The following CEACAM21 variants were observed in gnomAD, a reference collection of about 807,000 sequenced individuals.
The protein encoded by CEACAM21 is cell adhesion molecule CEACAM21.
CEACAM21 carries 38 observed loss-of-function variants against 33.2 expected under a neutral mutation model. That is an observed-to-expected ratio of 1.14 (90% CI 0.88 to 1.50). The LOEUF is 1.50. Ranked by LOEUF, CEACAM21 falls within the 40% of genes most tolerant of loss-of-function variation. The probability of loss-of-function intolerance (pLI) is 0.00; values close to 1 mark genes in which losing one functional copy is unlikely to be tolerated. For synonymous variants in CEACAM21, 156 were observed against 143.0 expected (o/e 1.09, Z -0.65); for missense variants, 385 against 364.6 (o/e 1.06, Z -0.46).
At chr19:41,579,656 C>A in intron 3 of CEACAM21, 28 bp downstream of exon 3, 2 of 1,434,106 alleles carry the variant, frequency 1.4e-6, no homozygotes, top group Non-Finnish European at 1.9e-6. Context: ...CCTCTCACTC[C>A]TTTCCTTGTA....
upstream of CEACAM21, among the ~76,000 whole-genome samples, chr19:41,574,493 A>G (rs150555391): frequency 2.0e-5 from 3 of 152,216 alleles, no homozygotes; most frequent in African/African-American, 4.8e-5. Flanking sequence ...ACAACTGAAT[A>G]ATAAAAAGAT....
chr19:41,579,986 C>T lies in CEACAM21; in HGVS notation c.700+358C>T, dbSNP rs150923723. Among the ~76,000 whole-genome samples the T allele has an allele frequency of 5.7e-3, 863 of 152,272 alleles. 4 individuals carry two copies. Among genetic ancestry groups the T allele is most frequent in the African/African-American group, 0.019 (786 of 41,548 alleles). ...AGGGCTCAATCAGTGCTATCAATAT[C>T]GACTGGTATTATTTTTATGAACTTT... On this transcript the variant is annotated intron_variant, in intron 3 of 6. Transcript: ENST00000401445.
chr19:41,564,884 G>C (rs532874523), exon 2 of CEACAM21: 3 of 152,344 alleles, frequency 2.0e-5, no homozygotes, highest in East Asian at 3.9e-4. Context: ...GAGATCACTT[G>C]GCGCTAACAC....
chr19:41,585,715 C>T (rs1327966153), intron 5 of CEACAM21, 125 bp from the exon 6 acceptor site: 1 of 1,131,988 alleles, frequency 8.8e-7, no homozygotes, highest in African/African-American at 1.5e-5. Flanking sequence ...TTACTTGACC[C>T]CTAAAATAAC....
At chr19:41,585,939 C>T in intron 6 of CEACAM21, 68 bp downstream of exon 6, 1 of 1,501,266 alleles carries the variant, frequency 6.7e-7, no homozygotes, top group South Asian at 1.2e-5. Flanking sequence ...GGCAGGGGGA[C>T]TGTCAATCCC....
chr19:41,562,184 T>C (rs1415716683), intron 1 of CEACAM21, among the ~76,000 whole-genome samples: 1 of 151,812 alleles, frequency 6.6e-6, no homozygotes, highest in East Asian at 1.9e-4. Context: ...AGACGGAGGT[T>C]GCAGTGAGCC....
Position 41,579,375 on chromosome 19 carries a change from C to T in CEACAM21, c.447C>T (p.Ile149=). Residue 149 remains isoleucine, a synonymous_variant, in exon 3 of 7, where the codon ATC becomes ATT. Coordinates refer to ENST00000401445, the MANE Select transcript of CEACAM21 (RefSeq NM_001098506.4). ...RVYESVAQPS[I]QASSTTVTEK... ...CAGAGTCAGTGGCTCAGCCCTCCAT[C>T]CAAGCCAGCAGCACCACAGTCACAG... 1 of 1,614,004 alleles carries T rather than the reference C, an allele frequency of 6.2e-7. No homozygotes were observed. The highest frequency in any genetic ancestry group is 8.5e-7 in the Non-Finnish European group (1 of 1,179,884).
intron 2 of CEACAM21, among the ~76,000 whole-genome samples, chr19:41,567,199 T>C (rs782284400): frequency 5.3e-5 from 8 of 152,164 alleles, no homozygotes; most frequent in Non-Finnish European, 7.3e-5. Flanking sequence ...TAATTGCACA[T>C]TAAGTATTTG....
chr19:41,584,086 A>G (rs150417116), intron 3 of CEACAM21, among the ~76,000 whole-genome samples: 1 of 152,294 alleles, frequency 6.6e-6, no homozygotes, highest in Non-Finnish European at 1.5e-5. Flanking sequence ...AGGAGGGACT[A>G]AAAAACACAG....
intron 1 of CEACAM21, among the ~76,000 whole-genome samples, chr19:41,554,047 A>G (rs1451929770): frequency 6.6e-6 from 1 of 152,080 alleles, no homozygotes; most frequent in East Asian, 1.9e-4. Context: ...CTCAAAAGAA[A>G]ATTTGCCTTG....
At chr19:41,575,477 T>A (rs2042880621), upstream of CEACAM21, among the ~76,000 whole-genome samples, 1 of 152,188 alleles carries the variant, frequency 6.6e-6, no homozygotes, top group Non-Finnish European at 1.5e-5. Context: ...ATGAGACAGT[T>A]CAGGCAACTG....
intron 3 of CEACAM21, among the ~76,000 whole-genome samples, chr19:41,580,181 T>A (rs1163795817): frequency 6.6e-6 from 1 of 151,984 alleles, no homozygotes; most frequent in Non-Finnish European, 1.5e-5. Context: ...ACTGAAACTA[T>A]AAGTTTCAGA....
intron 2 of CEACAM21, among the ~76,000 whole-genome samples, chr19:41,565,988 AGGATTGATGGCTG>A (rs1157206467): frequency 2.6e-5 from 4 of 151,620 alleles, no homozygotes; most frequent in African/African-American, 9.7e-5. Context: ...GGGGTTCTGG[AGGATTGATGGCTG>A]AACTCTCATG....
chr19:41,570,794 G>A (rs2042552931), intron 2 of CEACAM21, among the ~76,000 whole-genome samples: 1 of 152,160 alleles, frequency 6.6e-6, no homozygotes, highest in Admixed American at 6.5e-5. Flanking sequence ...CTCCAGTAAG[G>A]GCAAGGGCGC....
Position 41,585,477 on chromosome 19 carries a change from C to T in CEACAM21, c.832C>T (p.Pro278Ser). The change falls in exon 5 of 7, where the codon CCC becomes TCC. Residue 278 changes from proline (P) to serine (S), a missense_variant. Physicochemically the swap from Pro to Ser is moderately conservative, Grantham distance 74. Transcript: ENST00000401445. ...TCAGAGTGACTTCAGGGAGCAGCAG[C>T]CCCCAGCCTCCACCCCCGGTGAGTG... ...SDQSDFREQQ[P>S]PASTPGHGPS... is the part of the protein sequence containing the mutation. The T allele has an allele frequency of 6.2e-7, 1 of 1,613,736 alleles. No homozygotes were observed. The highest frequency in any genetic ancestry group is 8.5e-7 in the Non-Finnish European group (1 of 1,179,728).
At chr19:41,579,837 C>A (rs2043242420) in intron 3 of CEACAM21, among the ~76,000 whole-genome samples, 1 of 152,182 alleles carries the variant, frequency 6.6e-6, no homozygotes, top group South Asian at 2.1e-4. Context: ...GACACTCAAC[C>A]TCCTGGGCCT....
At chr19:41,586,055 C>A in intron 6 of CEACAM21, 184 bp downstream of exon 6, 1 of 653,646 alleles carries the variant, frequency 1.5e-6, no homozygotes, top group South Asian at 1.8e-5. Context: ...CCTGTGCTAA[C>A]CCCACCCTGG....
At chr19:41,551,917 T>G (rs2041234729) in intron 1 of CEACAM21, 1 of 152,058 alleles carries the variant, frequency 6.6e-6, no homozygotes, top group Non-Finnish European at 1.5e-5. Context: ...GCCCAGCCAG[T>G]GTGTTCCCAG....
rs2122220274 is a variant in CEACAM21 at position 41,576,313 on chromosome 19, C to T, written c.39C>T (p.Ile13=). The T allele has an allele frequency of 6.2e-7, 1 of 1,612,492 alleles. No individual in the cohort carries two copies. The highest frequency in any genetic ancestry group is 8.5e-7 in the Non-Finnish European group (1 of 1,179,084). ...CAGCTTGTCCCCACAGAGAATGCAT[C>T]CCCTGGCAGGGGCTCTTGCTCACAG... ...PPSACPHREC[I]PWQGLLLTAS... The change falls in exon 1 of 7, where the codon ATC becomes ATT. Residue 13 remains isoleucine (I), a synonymous_variant. Coordinates refer to ENST00000401445, the MANE Select transcript of CEACAM21 (RefSeq NM_001098506.4).
Sources: allele counts gnomAD v4.1 joint callset (sites outside exome capture counted in the v4.1 genomes callset), GRCh38; gene constraint gnomAD v4.1.1; transcripts MANE v1.5; gene names NCBI Gene and HGNC (gene_info 2026-07-23, HGNC 2026-07-21).